The following TET2 variants were observed in gnomAD, a reference collection of about 807,000 sequenced individuals.
TET2 encodes tet methylcytosine dioxygenase 2.
TET2 carries 299 observed loss-of-function variants against 142.9 expected under a neutral mutation model. That is an observed-to-expected ratio of 2.09 (90% CI 1.90 to 2.30). TET2 has a LOEUF of 2.30. Among genes scored for constraint, TET2 ranks in the 30% most tolerant of loss-of-function variants. The pLI is 0.00. For missense variants in TET2, 2,418 were observed against 2,378.0 expected (o/e 1.02, Z -0.35); for synonymous variants, 819 against 849.0 (o/e 0.96, Z 0.61).
intron 9 of TET2, among the ~76,000 whole-genome samples, chr4:105,270,905 G>C (rs192769564): frequency 3.9e-5 from 6 of 152,288 alleles, no homozygotes; most frequent in Non-Finnish European, 8.8e-5. Context: ...TTCTAGGGCA[G>C]AAAAGCATTC....
intron 8 of TET2, among the ~76,000 whole-genome samples, chr4:105,269,243 A>G (rs1227318585): frequency 1.3e-5 from 2 of 152,200 alleles, no homozygotes; most frequent in Admixed American, 6.5e-5. Context: ...ATCCATTTAT[A>G]TGAAATTCTA....
chr4:105,214,574 C>G (rs1727376438), intron 2 of TET2, among the ~76,000 whole-genome samples: 1 of 149,962 alleles, frequency 6.7e-6, no homozygotes, highest in South Asian at 2.1e-4. Flanking sequence ...GCTCAAACCA[C>G]CACACCCAAC....
intron 3 of TET2, chr4:105,241,119 G>A (rs928256776): frequency 4.4e-6 from 5 of 1,130,846 alleles, no homozygotes; most frequent in Non-Finnish European, 5.6e-6. Flanking sequence ...TATCTGAAAT[G>A]TAATATATTT....
intron 1 of TET2, among the ~76,000 whole-genome samples, chr4:105,159,738 G>A (rs1457838254): frequency 6.6e-6 from 1 of 152,126 alleles, no homozygotes; most frequent in African/African-American, 2.4e-5. Context: ...ATTACATCTT[G>A]GCCAGGATGG....
At chr4:105,182,799 C>T (rs914063700) in intron 1 of TET2, among the ~76,000 whole-genome samples, 19 of 151,826 alleles carry the variant, frequency 1.3e-4, no homozygotes, top group African/African-American at 4.4e-4. Flanking sequence ...GTTTGCCATC[C>T]CATTAAGCAT....
At chr4:105,247,376 AAAAG>A (rs144596380) in intron 6 of TET2, among the ~76,000 whole-genome samples, 12,389 of 152,188 alleles carry the variant, frequency 0.081, 922 homozygotes, top group East Asian at 0.19. Flanking sequence ...GATAATGAGA[AAAAG>A]AAAGCCCTTC....
chr4:105,219,585 A>G (rs898191362), intron 2 of TET2, among the ~76,000 whole-genome samples: 2 of 152,114 alleles, frequency 1.3e-5, no homozygotes, highest in South Asian at 2.1e-4. Flanking sequence ...GGATGTGACA[A>G]TTTAGTTGAC....
At chr4:105,225,613 T>C (rs1728144531) in intron 2 of TET2, among the ~76,000 whole-genome samples, 1 of 152,132 alleles carries the variant, frequency 6.6e-6, no homozygotes, top group Admixed American at 6.6e-5. Flanking sequence ...GCTCTAGTCT[T>C]CCCCTCTCCT....
intron 6 of TET2, among the ~76,000 whole-genome samples, chr4:105,244,150 A>G (rs1485512538): frequency 1.3e-5 from 2 of 152,218 alleles, no homozygotes; most frequent in African/African-American, 4.8e-5. Flanking sequence ...CTGAAACAGA[A>G]AGTAAGTCTA....
At chr4:105,240,328 T>C (rs997293583) in intron 3 of TET2, 3 of 1,063,810 alleles carry the variant, frequency 2.8e-6, no homozygotes, top group Admixed American at 1.1e-4. Context: ...CCTGTATTTT[T>C]AAAAAAAGCT....
chr4:105,154,954 A>G (rs1723489511), intron 1 of TET2, among the ~76,000 whole-genome samples: 1 of 152,048 alleles, frequency 6.6e-6, no homozygotes, highest in African/African-American at 2.4e-5. Flanking sequence ...GAGCCTGGGA[A>G]GTTGAGGCTG....
chr4:105,266,419 A>C (rs1347722972), intron 8 of TET2, among the ~76,000 whole-genome samples: 1 of 152,194 alleles, frequency 6.6e-6, no homozygotes, highest in South Asian at 2.1e-4. Context: ...GCATACAAAG[A>C]AAAAAGAAAA....
intron 2 of TET2, among the ~76,000 whole-genome samples, chr4:105,230,669 A>C (rs773456525): frequency 6.6e-6 from 1 of 152,112 alleles, no homozygotes; most frequent in Non-Finnish European, 1.5e-5. Context: ...TCCATTTTTT[A>C]GTATGTGGTT....
intron 8 of TET2, among the ~76,000 whole-genome samples, chr4:105,264,993 G>C (rs185988270): frequency 6.6e-6 from 1 of 152,292 alleles, no homozygotes. Context: ...TAGAGCTTCA[G>C]TTTTCTCAAC....
Position 105,275,678 on chromosome 4 carries a change from C to A in TET2, c.5168C>A (p.Pro1723His), listed in dbSNP as rs1731180539. 1 of 1,551,774 alleles carries A rather than the reference C, an allele frequency of 6.4e-7. No homozygotes were observed. Among genetic ancestry groups the A allele is most frequent in the South Asian group, 1.2e-5 (1 of 84,058 alleles). ...PNVHHVGKLP[P>H]YPTHEMDGHF... ...GTACATCATGTAGGGAAATTGCCTC[C>A]TTATCCCACTCATGAGATGGATGGC... Residue 1723 changes from proline to histidine, a missense_variant, in exon 11 of 11, where the codon CCT becomes CAT. Transcript: ENST00000380013.
chr4:105,236,463 GT>G lies in TET2; in HGVS notation c.2524del (p.Ser842GlnfsTer31). On this transcript the variant is annotated frameshift_variant, in exon 3 of 11. Coordinates refer to ENST00000380013, the MANE Select transcript of TET2 (RefSeq NM_001127208.3). LOFTEE classifies it high-confidence loss of function. ...TTCTTGTTCAAACAATACACACCTA[GT>G]TTCAGAGAATAAAGAACAGACTACA... ...QVSCSNNTHL[V>X]SENKEQTTHP... 6.2e-7 allele frequency: 1 copy of G among 1,614,110 alleles called. No homozygotes were observed. Among genetic ancestry groups the G allele is most frequent in the Non-Finnish European group, 8.5e-7 (1 of 1,180,010 alleles).
chr4:105,223,728 C>T (rs1018465191), intron 2 of TET2, among the ~76,000 whole-genome samples: 1 of 152,000 alleles, frequency 6.6e-6, no homozygotes, highest in Non-Finnish European at 1.5e-5. Context: ...GAGGTGTGGC[C>T]ATATACATCA....
At chr4:105,184,845 T>C (rs916963266) in intron 1 of TET2, among the ~76,000 whole-genome samples, 1 of 152,052 alleles carries the variant, frequency 6.6e-6, no homozygotes, top group African/African-American at 2.4e-5. Flanking sequence ...CTCATCCCAT[T>C]TAAACCTGGA....
Position 105,235,884 on chromosome 4 carries a change from G to C in TET2, c.1942G>C (p.Asp648His). Residue 648 changes from aspartate (D) to histidine (H), a missense_variant, in exon 3 of 11, where the codon GAC (aspartate) becomes CAC (histidine). Physicochemically the swap from Asp to His is moderately conservative, Grantham distance 81. Transcript: ENST00000380013. Reference protein sequence around the residue: ...MNQGQSQGTVDQHLQFQKPSH... With the variant: ...MNQGQSQGTVHQHLQFQKPSH... ...TCAAGGGCAGTCCCAAGGTACAGTG[G>C]ACCAACATCTCCAGTTCCAAAAACC... The C allele has an allele frequency of 6.2e-7, 1 of 1,613,984 alleles. No individual in the cohort carries two copies. The highest frequency in any genetic ancestry group is 1.3e-5 in the African/African-American group (1 of 75,040).
Sources: allele counts gnomAD v4.1 joint callset (sites outside exome capture counted in the v4.1 genomes callset), GRCh38; gene constraint gnomAD v4.1.1; transcripts MANE v1.5; gene names NCBI Gene and HGNC (gene_info 2026-07-23, HGNC 2026-07-21).